The following ALOX5AP variants were observed in gnomAD, a reference collection of about 807,000 sequenced individuals.
The protein encoded by ALOX5AP is arachidonate 5-lipoxygenase-activating protein.
ALOX5AP carries 9 observed loss-of-function variants against 18.5 expected under a neutral mutation model. The ratio of observed to expected loss-of-function variants is 0.49; its 90% CI spans 0.29 to 0.85. ALOX5AP has a LOEUF of 0.85. Ranked by LOEUF, ALOX5AP falls within the 40% of genes least tolerant of loss-of-function variation. The pLI, the probability that ALOX5AP is intolerant of heterozygous loss-of-function variation, is 0.08. For synonymous variants in ALOX5AP, 81 were observed against 78.6 expected, an observed-to-expected ratio of 1.03 and a Z score of -0.16; for missense variants, 172 against 202.5, an observed-to-expected ratio of 0.85 and a Z score of 0.91.
chr13:30,731,035 G>C (rs376018850), upstream of ALOX5AP, among the ~76,000 whole-genome samples: 1 of 152,226 alleles, frequency 6.6e-6, no homozygotes, highest in South Asian at 2.1e-4. Flanking sequence ...GGGTGGGAGA[G>C]GGGTGGGCTC....
chr13:30,725,455 G>T (rs557958677), intron 1 of ALOX5AP, among the ~76,000 whole-genome samples: 1 of 152,362 alleles, frequency 6.6e-6, no homozygotes, highest in South Asian at 2.1e-4. Flanking sequence ...TGGGGGCAGG[G>T]CTATGTATGG....
intron 1 of ALOX5AP, among the ~76,000 whole-genome samples, chr13:30,714,747 T>C (rs11842748): frequency 0.13 from 20,127 of 152,172 alleles, 1,365 homozygotes; most frequent in South Asian, 0.21. Flanking sequence ...CTGAGAAGGC[T>C]ACCAGTCTCT....
rs139684380 is a variant in ALOX5AP at position 30,740,822 on chromosome 13, G to A, written c.71-3238G>A. Among the ~76,000 whole-genome samples, 98 of 152,288 alleles carry A rather than the reference G, an allele frequency of 6.4e-4. No homozygotes were observed. In the Middle Eastern group the frequency reaches 0.014, roughly 21 times the overall value. ...AATACAGACTTGAAGTCAGTGGCAT[G>A]GACAGGGTCAAGATCACAGTTAGAG... is the stretch of plus-strand genomic sequence containing the variant. On this transcript the variant is annotated intron_variant, in intron 1 of 4. Coordinates refer to ENST00000380490, the MANE Select transcript of ALOX5AP (RefSeq NM_001629.4).
chr13:30,754,622 G>A (rs1277074845), intron 3 of ALOX5AP, among the ~76,000 whole-genome samples: 3 of 152,230 alleles, frequency 2.0e-5, no homozygotes, highest in Non-Finnish European at 2.9e-5. Flanking sequence ...CGCAATAAAT[G>A]TTATTATTGA....
intron 1 of ALOX5AP, among the ~76,000 whole-genome samples, chr13:30,720,051 G>A (rs902302918): frequency 2.6e-5 from 4 of 152,110 alleles, no homozygotes; most frequent in African/African-American, 4.8e-5. Flanking sequence ...TAGTAGAGAC[G>A]GGGTTTCCCC....
chr13:30,740,200 A>C (rs749440625), intron 1 of ALOX5AP, among the ~76,000 whole-genome samples: 1 of 152,198 alleles, frequency 6.6e-6, no homozygotes, highest in Non-Finnish European at 1.5e-5. Context: ...TAATCTACGT[A>C]TGAGTTATTT....
rs1418452944 is a variant in ALOX5AP at position 30,714,713 on chromosome 13, G to A, written c.116+872G>A. Among the ~76,000 whole-genome samples the A allele has an allele frequency of 3.3e-5, 5 of 152,120 alleles. No individual in the cohort carries two copies. The East Asian group carries it at 5.8e-4, about 18-fold the overall frequency. On this transcript the variant is annotated intron_variant, in intron 1 of 5. Transcript: ENST00000617770. ...CTAGATGTGGGAAACATTGGTGGGC[G>A]TTCTGCTGGGGCATCTGTAGCCTCT...
intron 1 of ALOX5AP, among the ~76,000 whole-genome samples, chr13:30,739,686 C>T (rs145766338): frequency 4.0e-4 from 61 of 152,272 alleles, no homozygotes; most frequent in African/African-American, 1.3e-3. Flanking sequence ...CCTCCTGCCT[C>T]GACCTCCCAA....
At chr13:30,747,262 G>C (rs906265677) in intron 2 of ALOX5AP, among the ~76,000 whole-genome samples, 5 of 152,072 alleles carry the variant, frequency 3.3e-5, no homozygotes, top group African/African-American at 4.8e-5. Context: ...CTGCAACCTC[G>C]GCCTCCCAGG....
chr13:30,760,493 T>G (rs1951932877), intron 4 of ALOX5AP, among the ~76,000 whole-genome samples: 1 of 152,252 alleles, frequency 6.6e-6, no homozygotes, highest in Admixed American at 6.5e-5. Context: ...TGGGAATTAT[T>G]TAGCAGGATG....
chr13:30,732,665 A>G (rs1192888295), upstream of ALOX5AP, among the ~76,000 whole-genome samples: 1 of 152,210 alleles, frequency 6.6e-6, no homozygotes, highest in Non-Finnish European at 1.5e-5. Flanking sequence ...GAGAGAAGTC[A>G]GTCTTTGACA....
chr13:30,730,033 C>T (rs1252672268), intron 1 of ALOX5AP, among the ~76,000 whole-genome samples: 1 of 152,228 alleles, frequency 6.6e-6, no homozygotes, highest in Non-Finnish European at 1.5e-5. Context: ...TGGCTTCCTG[C>T]TATCTGTCTG....
upstream of ALOX5AP, among the ~76,000 whole-genome samples, chr13:30,731,801 G>T (rs1951683556): frequency 6.6e-6 from 1 of 152,236 alleles, no homozygotes; most frequent in Non-Finnish European, 1.5e-5. Flanking sequence ...GTACAGACTA[G>T]GTCCCCACGA....
chr13:30,715,289 G>A (rs936286089), intron 1 of ALOX5AP, among the ~76,000 whole-genome samples: 1 of 152,208 alleles, frequency 6.6e-6, no homozygotes, highest in Non-Finnish European at 1.5e-5. Flanking sequence ...TGTTAGATGA[G>A]ACATTGGGTA....
chr13:30,723,837 C>T (rs114682378), intron 1 of ALOX5AP, among the ~76,000 whole-genome samples: 2,071 of 152,206 alleles, frequency 0.014, 41 homozygotes, highest in African/African-American at 0.046. Flanking sequence ...TGTGCTCAAG[C>T]GATCCTCCAA....
At chr13:30,758,855 C>A (rs1443977509) in intron 4 of ALOX5AP, among the ~76,000 whole-genome samples, 2 of 151,898 alleles carry the variant, frequency 1.3e-5, no homozygotes, top group Non-Finnish European at 2.9e-5. Flanking sequence ...TGCTCTGTCA[C>A]CCAAACTGGA....
chr13:30,761,679 T>C (rs1210813363), intron 4 of ALOX5AP, among the ~76,000 whole-genome samples: 4 of 152,176 alleles, frequency 2.6e-5, no homozygotes, highest in Non-Finnish European at 4.4e-5. Flanking sequence ...AAGATCAAAG[T>C]GTGGGCAGGG....
At chr13:30,742,725 G>A (rs1447478636) in intron 1 of ALOX5AP, among the ~76,000 whole-genome samples, 1 of 152,072 alleles carries the variant, frequency 6.6e-6, no homozygotes, top group African/African-American at 2.4e-5. Context: ...TCTTTTTGAG[G>A]AGGATAATAT....
At chr13:30,739,581 T>C (rs1177837171) in intron 1 of ALOX5AP, among the ~76,000 whole-genome samples, 1 of 152,162 alleles carries the variant, frequency 6.6e-6, no homozygotes, top group Non-Finnish European at 1.5e-5. Context: ...ACTACAAGCA[T>C]GTGCCACCAC....
Sources: allele counts gnomAD v4.1 joint callset (sites outside exome capture counted in the v4.1 genomes callset), GRCh38; gene constraint gnomAD v4.1.1; transcripts MANE v1.5; gene names NCBI Gene and HGNC (gene_info 2026-07-23, HGNC 2026-07-21).